The following COBL variants were observed in gnomAD, a reference collection of about 807,000 sequenced individuals.
COBL encodes protein cordon-bleu.
Under a neutral mutation model 98.8 loss-of-function variants are expected in COBL, and 51 were observed. The ratio of observed to expected loss-of-function variants is 0.52; its 90% CI spans 0.41 to 0.65. The LOEUF (loss-of-function observed/expected upper bound fraction) is 0.65. Among genes scored for constraint, COBL ranks in the 30% least tolerant of loss-of-function variants. The probability of loss-of-function intolerance (pLI) is 0.00; values close to 1 mark genes in which losing one functional copy is unlikely to be tolerated. For synonymous variants in COBL, 634 were observed against 651.7 expected (o/e 0.97, Z 0.41); for missense variants, 1,617 against 1,617.5 (o/e 1.00, Z 0.01).
chr7:51,278,285 C>T (rs1799494032), intron 1 of COBL, among the ~76,000 whole-genome samples: 1 of 151,944 alleles, frequency 6.6e-6, no homozygotes, highest in African/African-American at 2.4e-5. Flanking sequence ...AGTGAGAGCC[C>T]AGAGCCAGGT....
chr7:51,110,976 T>C (rs1445522017), intron 6 of COBL, among the ~76,000 whole-genome samples: 1 of 152,236 alleles, frequency 6.6e-6, no homozygotes, highest in African/African-American at 2.4e-5. Flanking sequence ...TTTGCAATTG[T>C]GAATTGTGCT....
intron 7 of COBL, among the ~76,000 whole-genome samples, chr7:51,051,246 G>A (rs1202328921): frequency 6.6e-6 from 1 of 152,188 alleles, no homozygotes; most frequent in South Asian, 2.1e-4. Flanking sequence ...GAAGGCATAT[G>A]TTCACATGAT....
chr7:51,171,899 A>T (rs902002000), intron 5 of COBL, among the ~76,000 whole-genome samples: 1 of 152,230 alleles, frequency 6.6e-6, no homozygotes, highest in African/African-American at 2.4e-5. Flanking sequence ...GAGTCTTTCC[A>T]TGTAATTTTT....
intron 4 of COBL, among the ~76,000 whole-genome samples, chr7:51,190,144 T>C (rs1789952338): frequency 6.6e-6 from 1 of 152,208 alleles, no homozygotes; most frequent in Admixed American, 6.5e-5. Context: ...CTGCCACTGG[T>C]TTTAGACATG....
chr7:51,136,055 C>T, intron 6 of COBL, 103 bp downstream of exon 6: 5 of 1,418,894 alleles, frequency 3.5e-6, no homozygotes, highest in Admixed American at 2.4e-5. Context: ...CCAGTCGCTA[C>T]AGCCACAAAC....
chr7:51,281,561 A>G (rs984908814), intron 1 of COBL, among the ~76,000 whole-genome samples: 2 of 152,146 alleles, frequency 1.3e-5, no homozygotes, highest in South Asian at 4.1e-4. Flanking sequence ...AAACAAAGTG[A>G]CATTTCTTAA....
intron 2 of COBL, among the ~76,000 whole-genome samples, chr7:51,199,930 A>G (rs1790957564): frequency 1.3e-5 from 2 of 152,216 alleles, no homozygotes; most frequent in Non-Finnish European, 2.9e-5. Context: ...CTTCAAATAT[A>G]TTAAACAAAA....
intron 5 of COBL, among the ~76,000 whole-genome samples, chr7:51,148,209 C>A (rs892591911): frequency 1.3e-5 from 2 of 152,264 alleles, no homozygotes; most frequent in African/African-American, 4.8e-5. Context: ...ACTATTTACA[C>A]GTTTGTGCAC....
intron 1 of COBL, among the ~76,000 whole-genome samples, chr7:51,268,534 C>T (rs752113563): frequency 6.6e-6 from 1 of 152,132 alleles, no homozygotes; most frequent in African/African-American, 2.4e-5. Flanking sequence ...TGCAAGGCAG[C>T]GTTAGGTATG....
chr7:51,025,053 C>G (rs914089409), intron 12 of COBL, 56 bp downstream of exon 12: 1 of 1,609,226 alleles, frequency 6.2e-7, no homozygotes, highest in East Asian at 2.2e-5. Context: ...CCTGGATCTA[C>G]GCTGCACCTC....
Position 51,027,850 on chromosome 7 carries a change from A to G in COBL, c.3246T>C (p.Ser1082=). The change falls in exon 10 of 13, where the codon AGT becomes AGC. Residue 1082 remains serine (S), a synonymous_variant. Coordinates refer to ENST00000265136, the MANE Select transcript of COBL (RefSeq NM_015198.5). ...GCCCAAAAATGCTGGGTGGCCAAAT[A>G]CTGTCTGTTTCATTTCCATCTGTAG... ...VFSTDGNETD[S]IWPPSIFGPK... is the part of the protein sequence containing the mutation. 6.2e-7 allele frequency: 1 copy of G among 1,614,168 alleles called. No homozygotes were observed. Among genetic ancestry groups the G allele is most frequent in the Non-Finnish European group, 8.5e-7 (1 of 1,180,028 alleles).
chr7:51,234,448 C>T (rs982565711), intron 1 of COBL, among the ~76,000 whole-genome samples: 28 of 152,338 alleles, frequency 1.8e-4, no homozygotes, highest in African/African-American at 2.4e-4. Flanking sequence ...CGCCTGTAAT[C>T]CCAGCACTCT....
chr7:51,023,535 C>A (rs1430617373), intron 12 of COBL, among the ~76,000 whole-genome samples: 1 of 152,198 alleles, frequency 6.6e-6, no homozygotes, highest in East Asian at 1.9e-4. Context: ...TCACAAATGG[C>A]CCCTGGGGAG....
chr7:51,277,888 A>G (rs1427373095), intron 1 of COBL, among the ~76,000 whole-genome samples: 1 of 152,178 alleles, frequency 6.6e-6, no homozygotes, highest in Non-Finnish European at 1.5e-5. Flanking sequence ...TGACCACCCA[A>G]CAATATTCCC....
At position 51,078,028 on chromosome 7, in the gene COBL, G is replaced by A. The variant is rs560831687; in HGVS notation, c.1096+7138C>T. ...GAAGGCTGCAACCCATGTGTAGTGC[G>A]CACTGCTGGCTGTTCACATAGCATA... On this transcript the variant is annotated intron_variant, in intron 7 of 12. Transcript: ENST00000265136. Among the ~76,000 whole-genome samples the A allele has an allele frequency of 6.6e-4, 101 of 152,220 alleles. 1 individual carries two copies. The highest frequency in any genetic ancestry group is 3.4e-3 in the Middle Eastern group (1 of 294).
intron 2 of COBL, among the ~76,000 whole-genome samples, chr7:51,198,777 C>T (rs1790828880): frequency 6.6e-6 from 1 of 152,168 alleles, no homozygotes; most frequent in Non-Finnish European, 1.5e-5. Context: ...GACAGTAGAA[C>T]AGGAAGTCTC....
At chr7:51,297,510 GCCT>G (rs1801526239) in intron 1 of COBL, among the ~76,000 whole-genome samples, 1 of 149,646 alleles carries the variant, frequency 6.7e-6, no homozygotes, top group Non-Finnish European at 1.5e-5. Context: ...TCCTGCCTCA[GCCT>G]CCCAAGTAGC....
At chr7:51,139,744 C>T (rs1799560737) in intron 5 of COBL, among the ~76,000 whole-genome samples, 1 of 152,190 alleles carries the variant, frequency 6.6e-6, no homozygotes, top group Non-Finnish European at 1.5e-5. Flanking sequence ...AGAAAGCAAT[C>T]CACAGAATAA....
rs527882355 is a variant in COBL at position 51,136,838 on chromosome 7, T to C, written c.784-507A>G. ...TTTCAGAAGTTATGAAAACTGACAA[T>C]GTGGTATAAGCAGTATGCTGTGAAG... On this transcript the variant is annotated intron_variant, in intron 5 of 12. Transcript: ENST00000265136. Among the ~76,000 whole-genome samples the C allele has an allele frequency of 1.6e-4, 25 of 152,312 alleles. No individual in the cohort carries two copies. The South Asian group carries it at 5.0e-3, about 30-fold the overall frequency.
Sources: gnomAD v4.1 joint callset for allele counts (sites outside exome capture counted in the v4.1 genomes callset) on GRCh38, gnomAD v4.1.1 for gene constraint, MANE v1.5 for transcripts, NCBI Gene and HGNC (gene_info 2026-07-23, HGNC 2026-07-21) for gene names.